Variants in HCRTR2 observed in about 807,000 individuals in gnomAD.
HCRTR2 encodes the protein orexin receptor type 2.
Under a neutral mutation model 49.0 loss-of-function variants are expected in HCRTR2, and 22 were observed. The ratio of observed to expected loss-of-function variants is 0.45; its 90% CI spans 0.32 to 0.64. The LOEUF (loss-of-function observed/expected upper bound fraction) is 0.64. Ranked by LOEUF, HCRTR2 falls within the 30% of genes least tolerant of loss-of-function variation. The pLI is 0.04. For missense variants in HCRTR2, 491 were observed against 559.4 expected (o/e 0.88, Z 1.23); for synonymous variants, 236 against 205.3 (o/e 1.15, Z -1.28).
chr6:55,170,564 CAT>C (rs372394827), upstream of HCRTR2, among the ~76,000 whole-genome samples: 53 of 151,302 alleles, frequency 3.5e-4, no homozygotes, highest in East Asian at 7.7e-3. Context: ...TAGGATATCA[CAT>C]GTTTACTTAT....
At chr6:55,121,032 G>A (rs142159609) in intron 1 of HCRTR2, among the ~76,000 whole-genome samples, 1 of 152,160 alleles carries the variant, frequency 6.6e-6, no homozygotes, top group East Asian at 1.9e-4. Context: ...GTAGCTTGAT[G>A]CGGATGGCAT....
chr6:55,220,144 C>T (rs1220532251), intron 1 of HCRTR2, among the ~76,000 whole-genome samples: 1 of 152,088 alleles, frequency 6.6e-6, no homozygotes, highest in Non-Finnish European at 1.5e-5. Context: ...CAATTCTTCT[C>T]AAACTTTTGC....
At chr6:55,228,431 T>C (rs1324466197) in intron 1 of HCRTR2, among the ~76,000 whole-genome samples, 1 of 152,214 alleles carries the variant, frequency 6.6e-6, no homozygotes. Flanking sequence ...CATCTTTGTC[T>C]TGACATGTAT....
chr6:55,237,701 G>A (rs1244681836), intron 1 of HCRTR2, among the ~76,000 whole-genome samples: 1 of 152,186 alleles, frequency 6.6e-6, no homozygotes, highest in Non-Finnish European at 1.5e-5. Flanking sequence ...GCTTTCCAAT[G>A]TCTTAAAGAA....
intron 2 of HCRTR2, among the ~76,000 whole-genome samples, chr6:55,251,936 A>C (rs1766558571): frequency 6.6e-6 from 1 of 152,064 alleles, no homozygotes; most frequent in African/African-American, 2.4e-5. Context: ...CTATTCAACA[A>C]ACTTGAGCTA....
intron 1 of HCRTR2, among the ~76,000 whole-genome samples, chr6:55,213,512 A>C (rs1765732318): frequency 6.6e-6 from 1 of 152,150 alleles, no homozygotes; most frequent in Admixed American, 6.6e-5. Flanking sequence ...GAAAAAATTT[A>C]CTTTCTGAGA....
chr6:55,148,580 G>A (rs980044095), intron 1 of HCRTR2, among the ~76,000 whole-genome samples: 1 of 152,106 alleles, frequency 6.6e-6, no homozygotes, highest in African/African-American at 2.4e-5. Context: ...GTAGCCTGCA[G>A]GAAAGCTGCT....
intron 1 of HCRTR2, 24 bp downstream of exon 1, chr6:55,174,834 TC>T (rs1382986659): frequency 6.3e-7 from 1 of 1,584,594 alleles, no homozygotes; most frequent in Non-Finnish European, 8.7e-7. Flanking sequence ...CGGGCAGCCC[TC>T]CTAGGGGCTA....
intron 1 of HCRTR2, among the ~76,000 whole-genome samples, chr6:55,139,267 G>A (rs1009627923): frequency 5.3e-5 from 8 of 152,104 alleles, no homozygotes; most frequent in Non-Finnish European, 1.0e-4. Context: ...TAGGGGAAAC[G>A]TATGAGAGAC....
At chr6:55,154,717 T>C (rs930875839) in intron 1 of HCRTR2, among the ~76,000 whole-genome samples, 1 of 146,310 alleles carries the variant, frequency 6.8e-6, no homozygotes, top group Admixed American at 6.9e-5. Flanking sequence ...AATAAATAAA[T>C]ATAAATAAAT....
At chr6:55,126,382 T>C (rs919473915) in intron 1 of HCRTR2, among the ~76,000 whole-genome samples, 1 of 152,188 alleles carries the variant, frequency 6.6e-6, no homozygotes, top group Non-Finnish European at 1.5e-5. Flanking sequence ...TGCTGGACTT[T>C]GCTGGAGGTC....
intron 1 of HCRTR2, among the ~76,000 whole-genome samples, chr6:55,111,981 G>C (rs1176234409): frequency 6.6e-6 from 1 of 151,970 alleles, no homozygotes; most frequent in East Asian, 1.9e-4. Flanking sequence ...ATGCAGGAAT[G>C]GTTTAACATA....
At chr6:55,276,115 A>G (rs1015575018) in intron 4 of HCRTR2, among the ~76,000 whole-genome samples, 3 of 152,202 alleles carry the variant, frequency 2.0e-5, no homozygotes, top group Non-Finnish European at 4.4e-5. Context: ...GAAAGTTCCT[A>G]TCTCTCCCCA....
intron 1 of HCRTR2, among the ~76,000 whole-genome samples, chr6:55,183,446 G>A (rs893843953): frequency 1.3e-5 from 2 of 152,198 alleles, no homozygotes; most frequent in South Asian, 4.1e-4. Flanking sequence ...GATGAGGAGA[G>A]TCTGGAAATG....
At chr6:55,153,086 C>T (rs768826601) in intron 1 of HCRTR2, among the ~76,000 whole-genome samples, 9 of 151,800 alleles carry the variant, frequency 5.9e-5, no homozygotes, top group South Asian at 2.1e-4. Flanking sequence ...CGTAAGCATC[C>T]GACTTGATTT....
At chr6:55,180,164 G>T (rs1038015692) in intron 1 of HCRTR2, among the ~76,000 whole-genome samples, 1 of 152,190 alleles carries the variant, frequency 6.6e-6, no homozygotes, top group Admixed American at 6.5e-5. Context: ...CTTATAATGA[G>T]AAGATTAATA....
chr6:55,119,968 C>T (rs928877168), intron 1 of HCRTR2, among the ~76,000 whole-genome samples: 1 of 151,994 alleles, frequency 6.6e-6, no homozygotes, highest in African/African-American at 2.4e-5. Context: ...GGAAGGGGTC[C>T]AGTTTCAATT....
downstream of HCRTR2, among the ~76,000 whole-genome samples, chr6:55,283,658 TTAAAC>T (rs1431525860): frequency 3.3e-5 from 5 of 152,138 alleles, no homozygotes; most frequent in African/African-American, 1.2e-4. Flanking sequence ...TACTTGAAAA[TTAAAC>T]TAAAAGTAAA....
At chr6:55,166,609 T>C (rs1430700849) in intron 1 of HCRTR2, among the ~76,000 whole-genome samples, 1 of 152,134 alleles carries the variant, frequency 6.6e-6, no homozygotes, top group East Asian at 1.9e-4. Flanking sequence ...CCAGTGGTAA[T>C]GTGAAAGAAT....
Sources: allele counts gnomAD v4.1 joint callset (sites outside exome capture counted in the v4.1 genomes callset), GRCh38; gene constraint gnomAD v4.1.1; transcripts MANE v1.5; gene names NCBI Gene and HGNC (gene_info 2026-07-23, HGNC 2026-07-21).